Variants in SYN2 observed in about 807,000 individuals in gnomAD.
SYN2 encodes the protein synapsin II.
A neutral mutation model predicts 50.9 loss-of-function variants in SYN2; 19 were observed. That is an observed-to-expected ratio of 0.37 (90% CI 0.26 to 0.55). SYN2 has a LOEUF of 0.55. SYN2 is among the 20% of genes least tolerant of loss of function. SYN2 has a pLI of 0.81. For synonymous variants in SYN2, 255 were observed against 224.9 expected, an observed-to-expected ratio of 1.13 and a Z score of -1.20; for missense variants, 587 against 576.4, an observed-to-expected ratio of 1.02 and a Z score of -0.19.
At chr3:12,109,978 G>A (rs1354449750) in intron 1 of SYN2, among the ~76,000 whole-genome samples, 13 of 152,130 alleles carry the variant, frequency 8.5e-5, no homozygotes, top group Admixed American at 2.6e-4. Flanking sequence ...GCTTGAGCCT[G>A]GGAGTTTGAG....
In SYN2 at chr3:12,191,494, G is replaced by C. The variant is rs1237924268; in HGVS notation, c.*869G>C. 6.6e-6 allele frequency: 1 copy of C among 152,240 alleles called. No homozygotes were observed. Among genetic ancestry groups the C allele is most frequent in the Admixed American group, 6.5e-5 (1 of 15,276 alleles). 9.4% of individuals were successfully genotyped at this position (152,240 alleles called of 1,614,324 possible). On this transcript the variant is annotated 3_prime_UTR_variant, in exon 13 of 13. Transcript: ENST00000621198. ...GAGGGGTGTGTGTGTGTGTGTGCTT[G>C]AGTGTAGGGAGTGAAAAATCTAGGT...
chr3:12,183,925 T>A, intron 11 of SYN2: 2 of 993,274 alleles, frequency 2.0e-6, no homozygotes, highest in African/African-American at 3.5e-5. Flanking sequence ...TGAACTGTGC[T>A]TTTCGCTTTC....
chr3:12,135,565 AT>A (rs1696879663), intron 1 of SYN2, among the ~76,000 whole-genome samples: 1 of 152,226 alleles, frequency 6.6e-6, no homozygotes, highest in Non-Finnish European at 1.5e-5. Flanking sequence ...TTTGATCCTT[AT>A]GCAAATTCCA....
intron 5 of SYN2, chr3:12,153,777 C>T (rs1697374357): frequency 6.4e-7 from 1 of 1,558,416 alleles, no homozygotes; most frequent in Admixed American, 1.7e-5. Context: ...TGCTGCCTTT[C>T]AGATTCCTAC....
chr3:12,110,726 T>A (rs940440059), intron 1 of SYN2, among the ~76,000 whole-genome samples: 6 of 152,336 alleles, frequency 3.9e-5, no homozygotes, highest in African/African-American at 1.2e-4. Context: ...GGGCCTGTGA[T>A]GGGAGGAGCT....
chr3:12,174,461 C>G (rs1032673621), intron 10 of SYN2, among the ~76,000 whole-genome samples: 4 of 152,058 alleles, frequency 2.6e-5, no homozygotes, highest in Non-Finnish European at 5.9e-5. Context: ...GCTGTGCTCT[C>G]TCTCTGAAAT....
intron 1 of SYN2, chr3:12,070,327 C>T: frequency 2.0e-6 from 1 of 504,370 alleles, no homozygotes; most frequent in East Asian, 4.9e-5. Flanking sequence ...CCCCTCCATC[C>T]TTAGGCGCCC....
rs533076616 is a variant in SYN2 at position 12,142,104 on chromosome 3, A to G, written c.527+108A>G. On this transcript the variant is annotated intron_variant, in intron 3 of 12. Coordinates refer to ENST00000621198, the MANE Select transcript of SYN2 (RefSeq NM_133625.6). ...GGTGTTGGAGTGAGATAGCAGTGCTATGTATGGTATACAGAATTTAATGAT... is the reference window on the plus strand; with the variant it reads ...GGTGTTGGAGTGAGATAGCAGTGCTGTGTATGGTATACAGAATTTAATGAT... 649 of 688,172 alleles carry G rather than the reference A, an allele frequency of 9.4e-4. 2 individuals carry two copies. Among genetic ancestry groups the G allele is most frequent in the African/African-American group, 7.0e-3 (398 of 57,014 alleles). 42.6% of individuals were successfully genotyped at this position (688,172 alleles called of 1,614,324 possible).
At position 12,190,966 on chromosome 3, in the gene SYN2, T is replaced by C. The variant is rs954132167; in HGVS notation, c.*341T>C. 1.7e-5 allele frequency: 18 copies of C among 1,044,220 alleles called. No homozygotes were observed. The highest frequency in any genetic ancestry group is 2.1e-5 in the Non-Finnish European group (18 of 868,780). The allele number at this position is 1,044,220 out of a possible 1,614,324, so 64.7% of individuals were successfully genotyped here. A position where few individuals can be genotyped will look rare whatever the true frequency, so the allele number is the denominator to read the frequency against. On this transcript the variant is annotated 3_prime_UTR_variant, in exon 13 of 13. Coordinates refer to ENST00000621198, the MANE Select transcript of SYN2 (RefSeq NM_133625.6). The stretch of plus-strand genomic sequence containing the variant: ...TTCTTCCCTGTGAAACCAGGATTAA[T>C]CGTGGACTCCTGGCAGCTTAACCTA...
In SYN2 at chr3:12,157,501, G is replaced by A. The variant is rs368496542; in HGVS notation, c.775-4045G>A. On this transcript the variant is annotated intron_variant, in intron 5 of 12. Transcript: ENST00000621198. ...CGAATCACTGCATAGGAAGAGAAAA[G>A]AGGGAACCTTCAGCAGCTGGTGGGG... is the stretch of plus-strand genomic sequence containing the variant. The A allele has an allele frequency of 1.8e-5, 29 of 1,613,254 alleles. No homozygotes were observed. The African/African-American group carries it at 3.7e-4, about 21-fold the overall frequency.
intron 11 of SYN2, chr3:12,185,186 C>G: frequency 1.0e-6 from 1 of 985,826 alleles, no homozygotes; most frequent in Non-Finnish European, 1.2e-6. Context: ...GCATAAGAAT[C>G]AGGTCCTTAA....
In SYN2 at chr3:12,160,919, C is replaced by G. The variant is rs1697631752; in HGVS notation, c.775-627C>G. 2.0e-5 allele frequency among the ~76,000 whole-genome samples: 3 copies of G among 152,084 alleles called. No individual in the cohort carries two copies. In the East Asian group the frequency reaches 5.8e-4, roughly 29 times the overall value. The stretch of plus-strand genomic sequence containing the variant: ...GTTCGCTCCCCTAAGGATCTCTCTG[C>G]ATTTATAAACATACTGAATTCTTCT... On this transcript the variant is annotated intron_variant, in intron 5 of 12. Transcript: ENST00000621198.
Position 12,162,542 on chromosome 3 carries a change from C to G in SYN2, c.980+388C>G, listed in dbSNP as rs1025460927. 3.3e-5 allele frequency among the ~76,000 whole-genome samples: 5 copies of G among 152,162 alleles called. 1 individual carries two copies. The highest frequency in any genetic ancestry group is 6.5e-5 in the Admixed American group (1 of 15,270). On this transcript the variant is annotated intron_variant, in intron 7 of 12. Coordinates refer to ENST00000621198, the MANE Select transcript of SYN2 (RefSeq NM_133625.6). ...TGGTACTTGTTAGGCTTGCCACTAC[C>G]TCCTGTTACTTAGAAACACATATTT... is the stretch of plus-strand genomic sequence containing the variant.
chr3:12,007,817 A>G (rs1370702926), intron 1 of SYN2, among the ~76,000 whole-genome samples: 5 of 152,334 alleles, frequency 3.3e-5, no homozygotes, highest in East Asian at 1.9e-4. Context: ...AATTGTGGGC[A>G]ATTGGAGACC....
chr3:12,085,752 A>G (rs1402445603), intron 1 of SYN2, among the ~76,000 whole-genome samples: 1 of 152,198 alleles, frequency 6.6e-6, no homozygotes, highest in Non-Finnish European at 1.5e-5. Context: ...GGATGCAGCA[A>G]AAGCAGTCCT....
intron 1 of SYN2, among the ~76,000 whole-genome samples, chr3:12,099,781 G>A (rs965384236): frequency 5.9e-5 from 9 of 151,858 alleles, no homozygotes; most frequent in Non-Finnish European, 8.8e-5. Context: ...TGGCTAACAC[G>A]GTGAAACCCC....
At chr3:12,067,886 C>T (rs941489037) in intron 1 of SYN2, among the ~76,000 whole-genome samples, 1 of 152,122 alleles carries the variant, frequency 6.6e-6, no homozygotes, top group Non-Finnish European at 1.5e-5. Context: ...TGTGGCAAAA[C>T]CCTGTCTCTA....
rs746161792 is a variant in SYN2, at chr3:12,151,309, C to A, written c.757C>A (p.Pro253Thr). The A allele has an allele frequency of 6.2e-7, 1 of 1,612,996 alleles. No individual in the cohort carries two copies. The highest frequency in any genetic ancestry group is 1.3e-5 in the African/African-American group (1 of 74,882). The change falls in exon 5 of 13, where the codon CCC becomes ACC. Residue 253 changes from proline (P) to threonine (T), a missense_variant. Physicochemically the swap from Pro to Thr is conservative, Grantham distance 38 (BLOSUM62 -1). Transcript: ENST00000621198. ...CCCTCTCATTGAACAGACATACTAC[C>A]CCAACCACAAAGAGATGGTAAGTGG... Reference protein sequence around the residue: ...KFPLIEQTYYPNHKEMLTLPT... With the variant: ...KFPLIEQTYYTNHKEMLTLPT...
At chr3:12,189,741 G>C (rs1309000692) in intron 12 of SYN2, among the ~76,000 whole-genome samples, 5 of 152,128 alleles carry the variant, frequency 3.3e-5, no homozygotes, top group African/African-American at 1.2e-4. Context: ...GGCGGAGGTT[G>C]CAGTGAGCAG....
Sources: allele counts gnomAD v4.1 joint callset (sites outside exome capture counted in the v4.1 genomes callset), GRCh38; gene constraint gnomAD v4.1.1; transcripts MANE v1.5; gene names NCBI Gene and HGNC (gene_info 2026-07-23, HGNC 2026-07-21).